Variants in ZNF574 observed in about 807,000 individuals in gnomAD.
The protein encoded by ZNF574 is zinc finger protein 574.
ZNF574 carries 25 observed loss-of-function variants against 56.6 expected under a neutral mutation model. That is an observed-to-expected ratio of 0.44 (90% CI 0.32 to 0.62). The LOEUF (loss-of-function observed/expected upper bound fraction) is 0.62. Among genes scored for constraint, ZNF574 ranks in the 20% least tolerant of loss-of-function variants. The pLI, the probability that ZNF574 is intolerant of heterozygous loss-of-function variation, is 0.04. For missense variants in ZNF574, 1,065 were observed against 1,218.9 expected (o/e 0.87, Z 1.88); for synonymous variants, 543 against 492.1 (o/e 1.10, Z -1.37).
chr19:42,075,801 C>T (rs538933261), upstream of ZNF574, among the ~76,000 whole-genome samples: 2 of 127,598 alleles, frequency 1.6e-5, no homozygotes, highest in Admixed American at 8.5e-5. Flanking sequence ...TCCCTCACGG[C>T]GTCCCCAAAA....
intron 1 of ZNF574, chr19:42,069,549 GGA>G (rs1172288237): frequency 7.0e-6 from 1 of 143,056 alleles, no homozygotes; most frequent in African/African-American, 2.6e-5. Context: ...GAGGAAAGGA[GGA>G]GAGGAAGGTG....
At chr19:42,074,000 G>C (rs1489652073), upstream of ZNF574, among the ~76,000 whole-genome samples, 1 of 151,788 alleles carries the variant, frequency 6.6e-6, no homozygotes, top group African/African-American at 2.4e-5. Context: ...GAGAGTGGTG[G>C]TGTCTGCCTG....
rs896885512 is a variant in ZNF574 at position 42,069,095 on chromosome 19, G to A, written c.250+134G>A. 6.6e-6 allele frequency: 3 copies of A among 451,962 alleles called. No individual in the cohort carries two copies. The East Asian group carries it at 1.0e-4, about 16-fold the overall frequency. The allele number at this position is 451,962 out of a possible 1,614,324, so 28.0% of individuals were successfully genotyped here. On this transcript the variant is annotated intron_variant, in intron 1 of 1. Coordinates refer to the ZNF574 transcript ENST00000222339. ...GAGGTGAATGGACGCTGAGGAGATG[G>A]AGGGCGCAGAGCAGGCCCCTAGTGG...
chr19:42,078,723 G>A lies in ZNF574; in HGVS notation c.117G>A (p.Val39=), dbSNP rs1252338285. Residue 39 remains valine, a synonymous_variant, in exon 2 of 2, where the codon GTG becomes GTA. Transcript: ENST00000359044. ...TGCTTATGCACCAAAACTCCCACGT[G>A]CCCCAGCAGCACTTTGAGCTGGTGG... is the stretch of plus-strand genomic sequence containing the variant. ...EEVLMHQNSH[V]PQQHFELVGV... The A allele has an allele frequency of 1.9e-6, 3 of 1,613,968 alleles. No individual in the cohort carries two copies. In the Admixed American group the frequency reaches 5.0e-5, roughly 27 times the overall value.
chr19:42,072,659 G>A (rs546904267), upstream of ZNF574, among the ~76,000 whole-genome samples: 2 of 150,956 alleles, frequency 1.3e-5, no homozygotes, highest in South Asian at 2.1e-4. Flanking sequence ...CTCCGCCTCC[G>A]GGGTTCAAGT....
At chr19:42,074,850 CCT>C (rs919770301), upstream of ZNF574, 18 of 152,210 alleles carry the variant, frequency 1.2e-4, no homozygotes, top group Admixed American at 7.2e-4. Context: ...AGTTGAAATT[CCT>C]CTGTGTTTGG....
At chr19:42,076,113 T>G (rs2146209922), upstream of ZNF574, 1 of 152,500 alleles carries the variant, frequency 6.6e-6, no homozygotes, top group South Asian at 2.1e-4. Flanking sequence ...CGGCCGTCCG[T>G]GCGGCGGCCG....
At chr19:42,074,812 T>C (rs796879955), upstream of ZNF574, 17 of 152,356 alleles carry the variant, frequency 1.1e-4, no homozygotes, top group African/African-American at 4.1e-4. Flanking sequence ...AATAACACAA[T>C]TCTGAGAGTC....
Position 42,078,989 on chromosome 19 carries a change from G to A in ZNF574, c.383G>A (p.Cys128Tyr), listed in dbSNP as rs1283532577. The A allele has an allele frequency of 6.2e-7, 1 of 1,614,138 alleles. No homozygotes were observed. The highest frequency in any genetic ancestry group is 8.5e-7 in the Non-Finnish European group (1 of 1,180,010). ...AGCTCCAGCACCATCCACTACGAGT[G>A]TGTGGATTGCAAGGCTCTCTTTGCC... ...PLSSSTIHYE[C>Y]VDCKALFASQ... is the part of the protein sequence containing the mutation. The change falls in exon 2 of 2, where the codon TGT becomes TAT. Residue 128 changes from cysteine (C) to tyrosine (Y), a missense_variant. Cys to Tyr is a radical substitution (Grantham distance 194). Coordinates refer to ENST00000359044, the MANE Select transcript of ZNF574 (RefSeq NM_022752.6).
chr19:42,072,286 G>C (rs1366834723), upstream of ZNF574, among the ~76,000 whole-genome samples: 1 of 144,846 alleles, frequency 6.9e-6, no homozygotes, highest in African/African-American at 2.6e-5. Flanking sequence ...CCAGACTGGA[G>C]TGCAGTGGCA....
rs2076489898 is a variant in ZNF574, at chr19:42,080,391, C to T, written c.1785C>T (p.Leu595=). ...GTTTTCACCGTCCTTACCGCCTGCT[C>T]ATGCACCGCTACCATCACACAGGTG... The part of the protein sequence containing the change: ...GVRFHRPYRL[L]MHRYHHTGEY... Residue 595 remains leucine, a synonymous_variant, in exon 2 of 2, where the codon CTC becomes CTT. Transcript: ENST00000359044. This position sits in a 1 kb window ranked among gnomAD's most constrained non-coding sequence, Gnocchi z 8.5. 3.7e-6 allele frequency: 6 copies of T among 1,614,240 alleles called. No homozygotes were observed. Among genetic ancestry groups the T allele is most frequent in the East Asian group, 4.5e-5 (2 of 44,880 alleles).
Position 42,080,294 on chromosome 19 carries a change from G to C in ZNF574, c.1688G>C (p.Ser563Thr). 6.2e-7 allele frequency: 1 copy of C among 1,614,112 alleles called. No homozygotes were observed. The highest frequency in any genetic ancestry group is 8.5e-7 in the Non-Finnish European group (1 of 1,180,016). Residue 563 changes from serine to threonine, a missense_variant, in exon 2 of 2, where the codon AGC becomes ACC. Transcript: ENST00000359044. This position sits in a 1 kb window ranked among gnomAD's most constrained non-coding sequence, Gnocchi z 8.5. ...GACTGTGGCAAGGCTTTCACGCAAA[G>C]CTCCACACTGAGGCAGCACCGCTTG... ...CGDCGKAFTQ[S>T]STLRQHRLVH...
upstream of ZNF574, among the ~76,000 whole-genome samples, chr19:42,074,360 C>T (rs1219705487): frequency 6.6e-6 from 1 of 150,636 alleles, no homozygotes. Flanking sequence ...GAGGCTGAGG[C>T]AGGAGAATCG....
At position 42,081,264 on chromosome 19, in the gene ZNF574, G is replaced by A. The variant is rs897291643; in HGVS notation, c.2658G>A (p.Leu886=). 6 of 1,613,982 alleles carry A rather than the reference G, an allele frequency of 3.7e-6. No individual in the cohort carries two copies. The highest frequency in any genetic ancestry group is 5.1e-6 in the Non-Finnish European group (6 of 1,180,038). Residue 886 remains leucine, a synonymous_variant, in exon 2 of 2, where the codon CTG becomes CTA. Transcript: ENST00000359044. ...TGGAAGCCATTGAGATCTACCCTCT[G>A]GCCGAGGCTGAGGGGGTCCAGATCA... ...PLVEAIEIYP[L]AEAEGVQISG
Position 42,079,281 on chromosome 19 carries a change from G to A in ZNF574, c.675G>A (p.Leu225=). 6.2e-7 allele frequency: 1 copy of A among 1,614,004 alleles called. No homozygotes were observed. The highest frequency in any genetic ancestry group is 8.5e-7 in the Non-Finnish European group (1 of 1,179,998). Residue 225 remains leucine (L), a synonymous_variant, in exon 2 of 2, where the codon CTG becomes CTA. Coordinates refer to ENST00000359044, the MANE Select transcript of ZNF574 (RefSeq NM_022752.6). The surrounding 1 kb of genome is among the most constrained non-coding windows in gnomAD (Gnocchi z 4.3). ...CTGAGTGCTCCCAGCTCTTCCAGCT[G>A]CCGGCGGATTTCCTGGAGCACCAGG... ...KCSECSQLFQ[L]PADFLEHQAT...
At chr19:42,072,374 A>G (rs1354132278), upstream of ZNF574, among the ~76,000 whole-genome samples, 1 of 149,758 alleles carries the variant, frequency 6.7e-6, no homozygotes, top group African/African-American at 2.5e-5. Context: ...AGCTGGTACT[A>G]CAGGCGCCCA....
chr19:42,069,886 A>C (rs1307753955), intron 1 of ZNF574, among the ~76,000 whole-genome samples: 2 of 151,900 alleles, frequency 1.3e-5, no homozygotes, highest in Non-Finnish European at 2.9e-5. Context: ...GGGAGGATGG[A>C]GAGCTGGGAG....
chr19:42,074,500 T>TAAAAC (rs1383115002), upstream of ZNF574, among the ~76,000 whole-genome samples: 10 of 147,768 alleles, frequency 6.8e-5, no homozygotes, highest in South Asian at 4.3e-4. Context: ...TAAAATAAAA[T>TAAAAC]AAAAATAAAA....
chr19:42,077,139 C>T (rs940440161), intron 1 of ZNF574, among the ~76,000 whole-genome samples: 1 of 151,812 alleles, frequency 6.6e-6, no homozygotes, highest in African/African-American at 2.4e-5. Flanking sequence ...TGAGAGGTTG[C>T]TAAGACGCTG....
Sources: allele counts gnomAD v4.1 joint callset (sites outside exome capture counted in the v4.1 genomes callset), GRCh38; gene constraint gnomAD v4.1.1; non-coding constraint Gnocchi (gnomAD v3.1); transcripts MANE v1.5; gene names NCBI Gene and HGNC (gene_info 2026-07-23, HGNC 2026-07-21).